Variants in RNF207 observed in about 807,000 individuals in gnomAD.
RNF207 encodes OTTHUMG00000001089.
A neutral mutation model predicts 79.0 loss-of-function variants in RNF207; 72 were observed. The observed-to-expected ratio is 0.91, with a 90% CI of 0.75 to 1.11. The LOEUF is 1.11. Ranked by LOEUF, RNF207 falls within the 50% of genes least tolerant of loss-of-function variation. The probability of loss-of-function intolerance (pLI) is 0.00; values close to 1 mark genes in which losing one functional copy is unlikely to be tolerated. For synonymous variants in RNF207, 348 were observed against 366.2 expected (o/e 0.95, Z 0.57); for missense variants, 936 against 855.8 (o/e 1.09, Z -1.17).
chr1:6,213,468 TAAA>T (rs547886824), intron 16 of RNF207, among the ~76,000 whole-genome samples: 6,082 of 119,176 alleles, frequency 0.051, 417 homozygotes, highest in African/African-American at 0.16. Context: ...GACCTTGTCT[TAAA>T]AAAAAAAAAA....
Position 6,207,422 on chromosome 1 carries a change from G to C in RNF207, c.235G>C (p.Asp79His), listed in dbSNP as rs1667954214. 1.3e-6 allele frequency: 2 copies of C among 1,553,070 alleles called. No individual in the cohort carries two copies. The highest frequency in any genetic ancestry group is 2.7e-5 in the African/African-American group (2 of 73,784). ...GGGTCCCAGCGGGCTCCCGCCGGTG[G>C]ACCGGCTGCTGCAGTTCCTGGTGGA... Reference protein sequence around the residue: ...LKGPSGLPPVDRLLQFLVDSS... With the variant: ...LKGPSGLPPVHRLLQFLVDSS... Residue 79 changes from aspartate to histidine, a missense_variant, in exon 3 of 18, where the codon GAC becomes CAC. Physicochemically the swap from Asp to His is moderately conservative, Grantham distance 81 (BLOSUM62 -1). Transcript: ENST00000377939. This position sits in a 1 kb window ranked among gnomAD's most constrained non-coding sequence, Gnocchi z 4.5.
chr1:6,209,708 T>C (rs59560709), intron 7 of RNF207, among the ~76,000 whole-genome samples, 169 bp downstream of exon 7: 1 of 151,898 alleles, frequency 6.6e-6, no homozygotes, highest in Non-Finnish European at 1.5e-5. Flanking sequence ...TGCCGCAGGC[T>C]GGTGGTGGGG....
chr1:6,210,618 T>A, intron 10 of RNF207, 180 bp downstream of exon 10: 1 of 631,912 alleles, frequency 1.6e-6, no homozygotes, highest in Non-Finnish European at 2.8e-6. Flanking sequence ...ACAAGGACAG[T>A]GAAGCCAGGA....
In RNF207 at chr1:6,207,749, C is replaced by G. The variant is rs1557582710; in HGVS notation, c.324+238C>G. 2.9e-6 allele frequency: 2 copies of G among 681,498 alleles called. No individual in the cohort carries two copies. The highest frequency in any genetic ancestry group is 5.4e-6 in the Non-Finnish European group (2 of 372,340). The allele number at this position is 681,498 out of a possible 1,614,324, so 42.2% of individuals were successfully genotyped here. A position where few individuals can be genotyped will look rare whatever the true frequency, so the allele number is the denominator to read the frequency against. On this transcript the variant is annotated intron_variant, in intron 3 of 17. Transcript: ENST00000377939. This position sits in a 1 kb window ranked among gnomAD's most constrained non-coding sequence, Gnocchi z 4.5. Reference sequence around the variant, plus strand: ...GTGGCAGAGGCTAAGGCCATTCGATCTGGGGAGAGCTCACTGGTCCCCAAT... The same window carrying G: ...GTGGCAGAGGCTAAGGCCATTCGATGTGGGGAGAGCTCACTGGTCCCCAAT...
intron 3 of RNF207, chr1:6,208,336 T>G (rs1167225871): frequency 6.6e-6 from 1 of 152,610 alleles, no homozygotes; most frequent in Non-Finnish European, 1.5e-5. Context: ...TTTTTTTTTT[T>G]GAGACGGATT....
chr1:6,209,566 C>CGACCCA, intron 7 of RNF207, 27 bp downstream of exon 7: 1 of 1,436,820 alleles, frequency 7.0e-7, no homozygotes, highest in Middle Eastern at 1.9e-4. Context: ...GGGGGATAAA[C>CGACCCA]GACCCAGCCG....
rs1208517305 is a variant in RNF207, at chr1:6,212,057, AG to A, written c.1296+9del. The A allele has an allele frequency of 1.9e-6, 3 of 1,589,912 alleles. No homozygotes were observed. The South Asian group carries it at 3.4e-5, about 18-fold the overall frequency. On this transcript the variant is annotated splice_donor_5th_base_variant and intron_variant, in intron 13 of 17. Coordinates refer to ENST00000377939, the MANE Select transcript of RNF207 (RefSeq NM_207396.3). ...CCACTATGAGGACTCCTACCGGGTG[AG>A]GGGGCAGGGATCTGCCGGAGGGGGG...
chr1:6,213,248 C>A (rs1048399955), intron 16 of RNF207, 65 bp downstream of exon 16: 6 of 1,043,506 alleles, frequency 5.7e-6, no homozygotes, highest in Admixed American at 3.8e-5. Context: ...GGGCTGGGTG[C>A]GGTGGCTCAC....
In RNF207 at chr1:6,210,894, A is replaced by C; in HGVS notation, c.967A>C (p.Ile323Leu). The C allele has an allele frequency of 1.2e-6, 2 of 1,604,694 alleles. No homozygotes were observed. The highest frequency in any genetic ancestry group is 1.7e-6 in the Non-Finnish European group (2 of 1,176,770). ...GYELMERLQG[I>L]VTRPHHLRPI... ...GGAGCTGATGGAGAGGCTGCAGGGC[A>C]TCGTCACGCGGCCGCACCACCTAAG... Residue 323 changes from isoleucine (I) to leucine (L), a missense_variant, in exon 11 of 18, where the codon ATC becomes CTC. Coordinates refer to ENST00000377939, the MANE Select transcript of RNF207 (RefSeq NM_207396.3).
At chr1:6,212,614 G>A (rs970154857) in intron 14 of RNF207, 68 bp from the exon 15 acceptor site, 1 of 1,414,352 alleles carries the variant, frequency 7.1e-7, no homozygotes, top group Non-Finnish European at 1.0e-6. Context: ...TGAGTAGCTA[G>A]AGATAGCAAT....
chr1:6,219,344 T>C lies in RNF207; in HGVS notation c.1842T>C (p.Asp614=). Residue 614 remains aspartate (D), a synonymous_variant, in exon 18 of 18, where the codon GAT becomes GAC. Transcript: ENST00000377939. ...LSEEPLLKNM[D]HHRSKQKNGG... ...AAGAGCCTCTACTGAAAAATATGGA[T>C]CATCACAGATCCAAACAGAAAAATG... 6.2e-7 allele frequency: 1 copy of C among 1,612,748 alleles called. No homozygotes were observed. The highest frequency in any genetic ancestry group is 8.5e-7 in the Non-Finnish European group (1 of 1,179,700).
Position 6,209,213 on chromosome 1 carries a change from C to T in RNF207, c.551+17C>T. 6.4e-7 allele frequency: 1 copy of T among 1,550,994 alleles called. No homozygotes were observed. The highest frequency in any genetic ancestry group is 8.7e-7 in the Non-Finnish European group (1 of 1,147,164). ...CATGCAGAAGTGCGTACAGGGGACG[C>T]GAGGGGAGGGGGCTGGGGGCCGCTG... On this transcript the variant is annotated intron_variant, in intron 5 of 17. Coordinates refer to ENST00000377939, the MANE Select transcript of RNF207 (RefSeq NM_207396.3).
At position 6,209,474 on chromosome 1, in the gene RNF207, G is replaced by A; in HGVS notation, c.688G>A (p.Glu230Lys). The A allele has an allele frequency of 3.3e-6, 5 of 1,498,052 alleles. No individual in the cohort carries two copies. In the South Asian group the frequency reaches 5.3e-5, roughly 16 times the overall value. The allele number at this position is 1,498,052 out of a possible 1,614,324, so 92.8% of individuals were successfully genotyped here. ...CATCGCGCTGCTGCAGGCCATGGTG[G>A]AGGAGGTGCGGCACAGCGCCGCCGA... Reference protein sequence around the residue: ...EAIALLQAMVEEVRHSAAEEE... With the variant: ...EAIALLQAMVKEVRHSAAEEE... The change falls in exon 7 of 18, where the codon GAG becomes AAG. Residue 230 changes from glutamate (E) to lysine (K), a missense_variant. By Grantham distance (56) the Glu-to-Lys change is moderately conservative. Coordinates refer to ENST00000377939, the MANE Select transcript of RNF207 (RefSeq NM_207396.3).
At position 6,208,940 on chromosome 1, in the gene RNF207, C is replaced by G. The variant is rs922719607; in HGVS notation, c.384C>G (p.Arg128=). ...GACAGCCCCTATGCGCGCGCTGCCG[C>G]GACGAGACGCACCGAGCACGCATGT... ...TCGQPLCARC[R]DETHRARMFA... The change falls in exon 4 of 18, where the codon CGC becomes CGG. Residue 128 remains arginine, a synonymous_variant. Transcript: ENST00000377939. 6.5e-7 allele frequency: 1 copy of G among 1,535,022 alleles called. No individual in the cohort carries two copies. The highest frequency in any genetic ancestry group is 8.7e-7 in the Non-Finnish European group (1 of 1,145,542).
Position 6,210,885 on chromosome 1 carries a change from C to A in RNF207, c.958C>A (p.Leu320Met). The change falls in exon 11 of 18, where the codon CTG becomes ATG. Residue 320 changes from leucine (L) to methionine (M), a missense_variant. Transcript: ENST00000377939. The stretch of plus-strand genomic sequence containing the variant: ...ACTGCCACAGGAGCTGATGGAGAGG[C>A]TGCAGGGCATCGTCACGCGGCCGCA... The part of the protein sequence containing the change: ...LDLGYELMER[L>M]QGIVTRPHHL... The A allele has an allele frequency of 6.2e-7, 1 of 1,602,696 alleles. No homozygotes were observed. The highest frequency in any genetic ancestry group is 1.3e-5 in the African/African-American group (1 of 74,982).
At chr1:6,212,867 T>C in intron 15 of RNF207, 134 bp downstream of exon 15, 1 of 852,608 alleles carries the variant, frequency 1.2e-6, no homozygotes, top group Non-Finnish European at 2.0e-6. Context: ...TGACCGTGCC[T>C]CCCAGCTGCT....
At chr1:6,213,023 T>C (rs1307358953) in intron 15 of RNF207, 43 bp from the exon 16 acceptor site, 6 of 1,288,778 alleles carry the variant, frequency 4.7e-6, no homozygotes, top group Non-Finnish European at 6.7e-6. Context: ...TGAAGCCAGA[T>C]GCTTCAGGAT....
Position 6,219,243 on chromosome 1 carries a change from C to G in RNF207, c.1741C>G (p.Pro581Ala), listed in dbSNP as rs765988537. The G allele has an allele frequency of 8.7e-6, 14 of 1,609,508 alleles. No homozygotes were observed. The highest frequency in any genetic ancestry group is 1.1e-5 in the Non-Finnish European group (13 of 1,178,064). Residue 581 changes from proline to alanine, a missense_variant, in exon 18 of 18, where the codon CCA becomes GCA. Coordinates refer to ENST00000377939, the MANE Select transcript of RNF207 (RefSeq NM_207396.3). ...ATGAGGCTGTCCCTTTAGGAATAAT[C>G]CAGGAAGTGTCCCGGAAAAGAGAGA... The part of the protein sequence containing the change: ...RNNAASARNN[P>A]GSVPEKREKT...
In RNF207 at chr1:6,219,340, T is replaced by C. The variant is rs751329076; in HGVS notation, c.1838T>C (p.Met613Thr). 5.2e-5 allele frequency: 84 copies of C among 1,613,308 alleles called. No homozygotes were observed. Among genetic ancestry groups the C allele is most frequent in the East Asian group, 1.8e-4 (8 of 44,894 alleles). Residue 613 changes from methionine (M) to threonine (T), a missense_variant, in exon 18 of 18, where the codon ATG (methionine) becomes ACG (threonine). Met to Thr is a moderately conservative substitution (Grantham distance 81). Coordinates refer to ENST00000377939, the MANE Select transcript of RNF207 (RefSeq NM_207396.3). ...GLSEEPLLKN[M>T]DHHRSKQKNG... is the part of the protein sequence containing the mutation. Reference sequence around the variant, plus strand: ...TCAGAAGAGCCTCTACTGAAAAATATGGATCATCACAGATCCAAACAGAAA... The same window carrying C: ...TCAGAAGAGCCTCTACTGAAAAATACGGATCATCACAGATCCAAACAGAAA...
Sources: gnomAD v4.1 joint callset for allele counts (sites outside exome capture counted in the v4.1 genomes callset) on GRCh38, gnomAD v4.1.1 for gene constraint, Gnocchi (gnomAD v3.1) non-coding constraint, MANE v1.5 for transcripts, NCBI Gene and HGNC (gene_info 2026-07-23, HGNC 2026-07-21) for gene names.